TBPL1: variants seen among roughly 807,000 people sequenced by gnomAD.
The protein encoded by TBPL1 is TATA box-binding protein-like 1.
In TBPL1, 4 loss-of-function variants were observed where a neutral mutation model predicts 22.1. The ratio of observed to expected loss-of-function variants is 0.18; its 90% CI spans 0.09 to 0.41. TBPL1 has a LOEUF of 0.41. Ranked by LOEUF, TBPL1 falls within the 10% of genes least tolerant of loss-of-function variation. The pLI is 1.00. For missense variants in TBPL1, 115 were observed against 222.3 expected, an observed-to-expected ratio of 0.52 and a Z score of 3.07; for synonymous variants, 64 against 71.0, an observed-to-expected ratio of 0.90 and a Z score of 0.50.
intron 1 of TBPL1, among the ~76,000 whole-genome samples, chr6:133,965,457 T>C (rs1399809182): frequency 1.3e-5 from 2 of 152,202 alleles, no homozygotes; most frequent in East Asian, 1.9e-4. Context: ...GCATAATACC[T>C]ATTTCGTAAC....
intron 1 of TBPL1, among the ~76,000 whole-genome samples, chr6:133,956,150 T>G (rs978845772): frequency 6.6e-6 from 1 of 152,222 alleles, no homozygotes; most frequent in African/African-American, 2.4e-5. Flanking sequence ...GACCATGTGA[T>G]GAAATTATTG....
intron 1 of TBPL1, among the ~76,000 whole-genome samples, chr6:133,954,118 C>T (rs182796028): frequency 7.9e-5 from 12 of 152,324 alleles, no homozygotes; most frequent in African/African-American, 2.2e-4. Context: ...AAGAAAATCT[C>T]TCCTGCCGAG....
chr6:133,975,138 A>G (rs867455109), intron 1 of TBPL1, among the ~76,000 whole-genome samples: 17 of 152,186 alleles, frequency 1.1e-4, no homozygotes, highest in Admixed American at 5.2e-4. Flanking sequence ...AGCTACTGAT[A>G]GTTTGTTCTG....
chr6:133,956,836 A>G (rs1775935193), intron 1 of TBPL1, among the ~76,000 whole-genome samples: 2 of 152,230 alleles, frequency 1.3e-5, no homozygotes, highest in African/African-American at 2.4e-5. Flanking sequence ...ACTTGAGTAG[A>G]CACGATATTT....
chr6:133,968,971 T>C (rs1776170833), intron 1 of TBPL1: 1 of 152,186 alleles, frequency 6.6e-6, no homozygotes, highest in Admixed American at 6.5e-5. Flanking sequence ...AGTATCCAAG[T>C]TTTCTTACTT....
chr6:133,980,121 C>G lies in TBPL1; in HGVS notation c.-5C>G, dbSNP rs1052090807. On this transcript the variant is annotated 5_prime_UTR_variant, in exon 2 of 7. Coordinates refer to ENST00000237264, the MANE Select transcript of TBPL1 (RefSeq NM_004865.4). ...GGTGGAAAGCTAAATTTTAAAACCA[C>G]CCCAATGGATGCAGACAGTGATGTT... 4 of 1,514,156 alleles carry G rather than the reference C, an allele frequency of 2.6e-6. No homozygotes were observed. The highest frequency in any genetic ancestry group is 3.5e-4 in the Middle Eastern group (2 of 5,696). 93.8% of individuals were successfully genotyped at this position (1,514,156 alleles called of 1,614,324 possible). A position where few individuals can be genotyped will look rare whatever the true frequency, so the allele number is the denominator to read the frequency against.
In TBPL1 at chr6:133,953,252, G is replaced by A. The variant is rs536165496; in HGVS notation, c.-218G>A. The A allele has an allele frequency of 6.5e-6, 1 of 153,106 alleles. No individual in the cohort carries two copies. The highest frequency in any genetic ancestry group is 2.1e-4 in the South Asian group (1 of 4,830). 9.5% of individuals were successfully genotyped at this position (153,106 alleles called of 1,614,324 possible). A position where few individuals can be genotyped will look rare whatever the true frequency, so the allele number is the denominator to read the frequency against. ...GCACCCGGAACAACAAAGCAAGGAA[G>A]ACGGAGTCCGAGCCTCGGGGGCTCC... On this transcript the variant is annotated 5_prime_UTR_variant, in exon 1 of 7. Coordinates refer to ENST00000237264, the MANE Select transcript of TBPL1 (RefSeq NM_004865.4).
chr6:133,982,120 T>C (rs1776426154), intron 2 of TBPL1, among the ~76,000 whole-genome samples: 1 of 152,158 alleles, frequency 6.6e-6, no homozygotes, highest in African/African-American at 2.4e-5. Flanking sequence ...AGGGAGGGCC[T>C]CTCTTCAGGA....
chr6:133,981,305 A>G (rs1776409668), intron 2 of TBPL1, among the ~76,000 whole-genome samples: 1 of 152,192 alleles, frequency 6.6e-6, no homozygotes, highest in Admixed American at 6.5e-5. Flanking sequence ...CTAAGTAAAG[A>G]TGAATTAAAT....
At chr6:133,978,456 C>T (rs1776352577) in intron 1 of TBPL1, among the ~76,000 whole-genome samples, 1 of 152,170 alleles carries the variant, frequency 6.6e-6, no homozygotes, top group African/African-American at 2.4e-5. Context: ...AGACATTGCA[C>T]GTGCTTAAGA....
chr6:133,974,271 A>T (rs1172695761), intron 1 of TBPL1, among the ~76,000 whole-genome samples: 2 of 152,124 alleles, frequency 1.3e-5, no homozygotes, highest in Non-Finnish European at 2.9e-5. Flanking sequence ...TTTTCATTGG[A>T]TGTGCAGGTT....
chr6:133,968,198 A>C (rs1776154672), intron 1 of TBPL1, among the ~76,000 whole-genome samples: 1 of 152,118 alleles, frequency 6.6e-6, no homozygotes, highest in Non-Finnish European at 1.5e-5. Context: ...CATGTTAGCC[A>C]GGATGATCTC....
chr6:133,979,797 C>T (rs543227426), intron 1 of TBPL1, among the ~76,000 whole-genome samples: 3 of 152,208 alleles, frequency 2.0e-5, no homozygotes, highest in Non-Finnish European at 2.9e-5. Flanking sequence ...CAGACATGCA[C>T]CATCATGCCC....
chr6:133,968,175 G>T (rs1198993573), intron 1 of TBPL1, among the ~76,000 whole-genome samples: 1 of 152,034 alleles, frequency 6.6e-6, no homozygotes, highest in Non-Finnish European at 1.5e-5. Flanking sequence ...TTTTAGTAGG[G>T]ACGGGGTTTC....
intron 1 of TBPL1, among the ~76,000 whole-genome samples, chr6:133,971,712 GT>G (rs1255957961): frequency 6.6e-6 from 1 of 151,934 alleles, no homozygotes; most frequent in Admixed American, 6.6e-5. Flanking sequence ...TCATATACCT[GT>G]TGGCCATTGG....
At chr6:133,960,781 G>A (rs550755538) in intron 1 of TBPL1, among the ~76,000 whole-genome samples, 8 of 152,252 alleles carry the variant, frequency 5.3e-5, no homozygotes, top group South Asian at 2.1e-4. Context: ...TCTGATGACC[G>A]GCTATAGTGG....
intron 1 of TBPL1, among the ~76,000 whole-genome samples, chr6:133,955,289 C>CT (rs984778497): frequency 2.7e-5 from 4 of 150,234 alleles, no homozygotes; most frequent in African/African-American, 9.8e-5. Context: ...CCCTAGCTTC[C>CT]ACCTTTATTA....
chr6:133,984,091 A>C (rs548400133), intron 4 of TBPL1, among the ~76,000 whole-genome samples: 2 of 152,272 alleles, frequency 1.3e-5, no homozygotes, highest in African/African-American at 4.8e-5. Flanking sequence ...AGTAGTTTTA[A>C]ATATTTCACT....
At chr6:133,965,101 A>G (rs574246567) in intron 1 of TBPL1, among the ~76,000 whole-genome samples, 1 of 152,182 alleles carries the variant, frequency 6.6e-6, no homozygotes, top group Non-Finnish European at 1.5e-5. Flanking sequence ...TAGCTACCCT[A>G]GTGAATTAAC....
Sources: allele counts gnomAD v4.1 joint callset (sites outside exome capture counted in the v4.1 genomes callset), GRCh38; gene constraint gnomAD v4.1.1; transcripts MANE v1.5; gene names NCBI Gene and HGNC (gene_info 2026-07-23, HGNC 2026-07-21).